The following SLC2A5 variants were observed in gnomAD, a reference collection of about 807,000 sequenced individuals.
SLC2A5 encodes solute carrier family 2, facilitated glucose transporter member 5.
Under a neutral mutation model 50.3 loss-of-function variants are expected in SLC2A5, and 56 were observed. The ratio of observed to expected loss-of-function variants is 1.11; its 90% CI spans 0.90 to 1.39. The LOEUF is 1.39. Ranked by LOEUF, SLC2A5 falls within the 40% of genes most tolerant of loss-of-function variation. The probability of loss-of-function intolerance (pLI) is 0.00; values close to 1 mark genes in which losing one functional copy is unlikely to be tolerated. For synonymous variants in SLC2A5, 269 were observed against 281.9 expected, an observed-to-expected ratio of 0.95 and a Z score of 0.46; for missense variants, 566 against 650.1, an observed-to-expected ratio of 0.87 and a Z score of 1.41.
chr1:9,039,907 C>A lies in SLC2A5; in HGVS notation c.778G>T (p.Ala260Ser), dbSNP rs200930417. Reference sequence around the variant, plus strand: ...AGCTTCAGCACGGAGATGAAGCCCGCGGCCTTCTCTGCCTCATCCTCCTGC... The same window carrying A: ...AGCTTCAGCACGGAGATGAAGCCCGAGGCCTTCTCTGCCTCATCCTCCTGC... ...IRQEDEAEKA[A>S]GFISVLKLFR... The change falls in exon 7 of 12, where the codon GCG becomes TCG. Residue 260 changes from alanine (A) to serine (S), a missense_variant. Physicochemically the swap from Ala to Ser is moderately conservative, Grantham distance 99 (BLOSUM62 1). Coordinates refer to ENST00000377424, the MANE Select transcript of SLC2A5 (RefSeq NM_003039.3). 6.2e-7 allele frequency: 1 copy of A among 1,612,780 alleles called. No individual in the cohort carries two copies. The highest frequency in any genetic ancestry group is 8.5e-7 in the Non-Finnish European group (1 of 1,179,874).
At chr1:9,051,593 G>T (rs1450282989) in intron 3 of SLC2A5, among the ~76,000 whole-genome samples, 1 of 152,050 alleles carries the variant, frequency 6.6e-6, no homozygotes, top group African/African-American at 2.4e-5. Context: ...AAACAATAAG[G>T]TACCACCTGT....
At chr1:9,076,337 C>T (rs1430098114) in intron 2 of SLC2A5, among the ~76,000 whole-genome samples, 1 of 152,140 alleles carries the variant, frequency 6.6e-6, no homozygotes, top group Non-Finnish European at 1.5e-5. Flanking sequence ...GCAGAAGTTC[C>T]CCCAGGCGAT....
upstream of SLC2A5, among the ~76,000 whole-genome samples, chr1:9,092,817 C>A (rs1196837411): frequency 6.6e-6 from 1 of 152,138 alleles, no homozygotes; most frequent in African/African-American, 2.4e-5. Flanking sequence ...GGAAGCTATG[C>A]ATCCCCTATC....
chr1:9,080,015 C>T (rs767243998), intron 2 of SLC2A5, among the ~76,000 whole-genome samples: 11 of 152,200 alleles, frequency 7.2e-5, no homozygotes, highest in Non-Finnish European at 1.3e-4. Context: ...TCTGCTTCTA[C>T]GAATTTGGGC....
chr1:9,081,302 CA>C (rs1013797833), intron 2 of SLC2A5, among the ~76,000 whole-genome samples: 3 of 135,740 alleles, frequency 2.2e-5, no homozygotes, highest in Non-Finnish European at 4.8e-5. Context: ...AAAACACGAC[CA>C]AAACAAAACC....
intron 1 of SLC2A5, among the ~76,000 whole-genome samples, chr1:9,065,183 G>T (rs1642049065): frequency 6.6e-6 from 1 of 151,772 alleles, no homozygotes; most frequent in African/African-American, 2.4e-5. Context: ...TTAAAAACTT[G>T]AACTTCTCCT....
At chr1:9,048,843 G>C (rs1641501287) in intron 3 of SLC2A5, among the ~76,000 whole-genome samples, 2 of 152,214 alleles carry the variant, frequency 1.3e-5, no homozygotes, top group South Asian at 4.1e-4. Context: ...TTGTAATAGA[G>C]ATGGAGTTTC....
At chr1:9,062,035 C>T (rs1234747063) in intron 1 of SLC2A5, among the ~76,000 whole-genome samples, 1 of 152,182 alleles carries the variant, frequency 6.6e-6, no homozygotes, top group East Asian at 1.9e-4. Flanking sequence ...TCTGTGGGCG[C>T]AGTAGAAATC....
At position 9,058,160 on chromosome 1, in the gene SLC2A5, G is replaced by C; in HGVS notation, c.124C>G (p.Pro42Ala). The C allele has an allele frequency of 6.2e-7, 1 of 1,612,334 alleles. No homozygotes were observed. Among genetic ancestry groups the C allele is most frequent in the East Asian group, 2.2e-5 (1 of 44,868 alleles). The change falls in exon 2 of 12, where the codon CCA becomes GCA. Residue 42 changes from proline to alanine, a missense_variant. Coordinates refer to ENST00000377424, the MANE Select transcript of SLC2A5 (RefSeq NM_003039.3). The part of the protein sequence containing the change: ...YGYNVAAVNS[P>A]ALLMQQFYNE... ...TCACCACAGTGACCTACCAGTGCTG[G>C]GGAGTTGACAGCAGCCACGTTGTAC...
At chr1:9,066,137 T>G (rs1642076022) in intron 1 of SLC2A5, among the ~76,000 whole-genome samples, 4 of 152,148 alleles carry the variant, frequency 2.6e-5, no homozygotes, top group African/African-American at 9.7e-5. Context: ...GATACTCAAC[T>G]AGTTGCTGGT....
intron 4 of SLC2A5, among the ~76,000 whole-genome samples, chr1:9,044,637 C>T (rs1392510082): frequency 6.6e-6 from 1 of 152,158 alleles, no homozygotes; most frequent in Non-Finnish European, 1.5e-5. Context: ...TCACTGCAAC[C>T]TCCCCATCCT....
intron 2 of SLC2A5, among the ~76,000 whole-genome samples, chr1:9,080,740 C>T (rs1476242523): frequency 6.6e-6 from 1 of 152,204 alleles, no homozygotes; most frequent in Non-Finnish European, 1.5e-5. Flanking sequence ...CAGGAGCCAG[C>T]TTATATATAA....
At chr1:9,093,459 T>C (rs1157454341), upstream of SLC2A5, among the ~76,000 whole-genome samples, 1 of 152,100 alleles carries the variant, frequency 6.6e-6, no homozygotes, top group African/African-American at 2.4e-5. Flanking sequence ...AAGCCGCTTA[T>C]GTCTCTTTGT....
In SLC2A5 at chr1:9,038,491, T is replaced by A. The variant is rs1413528090; in HGVS notation, c.1114A>T (p.Met372Leu). 26 of 1,612,950 alleles carry A rather than the reference T, an allele frequency of 1.6e-5. No individual in the cohort carries two copies. The highest frequency in any genetic ancestry group is 2.2e-5 in the Non-Finnish European group (26 of 1,179,352). ...ACACAGACGATGCTGATGTATGGCA[T>A]CCAGGACACTGTGTCCTGTGGAGAG... ...ALALQDTVSWMPYISIVCVIS... is the reference protein window; with the variant it reads ...ALALQDTVSWLPYISIVCVIS... Residue 372 changes from methionine (M) to leucine (L), a missense_variant, in exon 10 of 12, where the codon ATG becomes TTG. Transcript: ENST00000377424.
chr1:9,041,881 G>T lies in SLC2A5; in HGVS notation c.475C>A (p.Arg159=). 6.2e-7 allele frequency: 1 copy of T among 1,613,858 alleles called. No individual in the cohort carries two copies. Among genetic ancestry groups the T allele is most frequent in the South Asian group, 1.1e-5 (1 of 91,046 alleles). The change falls in exon 5 of 12, where the codon CGG becomes AGG. Residue 159 remains arginine (R), a synonymous_variant. Transcript: ENST00000377424. ...YLGELAPKNL[R]GALGVVPQLF... ...TGGGGCACCACCCCGAGAGCCCCCCGCAGGTTTTTAGGGGCCAGCTCCCCT... is the reference window on the plus strand; with the variant it reads ...TGGGGCACCACCCCGAGAGCCCCCCTCAGGTTTTTAGGGGCCAGCTCCCCT...
At chr1:9,086,387 CTTTT>C (rs34593630) in intron 1 of SLC2A5, among the ~76,000 whole-genome samples, 1 of 140,538 alleles carries the variant, frequency 7.1e-6, no homozygotes, top group Admixed American at 7.1e-5. Context: ...TTTTCTCTCT[CTTTT>C]TTTTTTTTTT....
intron 3 of SLC2A5, among the ~76,000 whole-genome samples, chr1:9,049,704 A>G (rs1339626485): frequency 4.7e-4 from 5 of 10,610 alleles, no homozygotes; most frequent in African/African-American, 3.6e-3. Context: ...CTGTCTAAAG[A>G]AAAAAAAAAA....
chr1:9,077,950 TA>T (rs201842851), intron 2 of SLC2A5, among the ~76,000 whole-genome samples: 26 of 151,098 alleles, frequency 1.7e-4, no homozygotes, highest in Non-Finnish European at 3.7e-4. Flanking sequence ...AGTAAAGAAA[TA>T]AAAAAAAGGC....
At chr1:9,061,480 C>T (rs1159625084) in intron 1 of SLC2A5, among the ~76,000 whole-genome samples, 1 of 143,340 alleles carries the variant, frequency 7.0e-6, no homozygotes, top group Non-Finnish European at 1.5e-5. Context: ...GTGGCACACG[C>T]CTGTGGTCCC....
Sources: allele counts gnomAD v4.1 joint callset (sites outside exome capture counted in the v4.1 genomes callset), GRCh38; gene constraint gnomAD v4.1.1; transcripts MANE v1.5; gene names NCBI Gene and HGNC (gene_info 2026-07-23, HGNC 2026-07-21).